DMXL1: variants seen among roughly 807,000 people sequenced by gnomAD.
DMXL1 encodes Dmx like 1.
Under a neutral mutation model 319.2 loss-of-function variants are expected in DMXL1, and 99 were observed. The observed-to-expected ratio is 0.31, with a 90% CI of 0.26 to 0.37. The LOEUF is 0.37. Ranked by LOEUF, DMXL1 falls within the 10% of genes least tolerant of loss-of-function variation. The pLI is 1.00. For missense variants in DMXL1, 3,745 were observed against 3,595.6 expected (o/e 1.04, Z -1.06); for synonymous variants, 1,385 against 1,235.2 (o/e 1.12, Z -2.54).
chr5:119,186,286 G>A (rs2150354443), intron 28 of DMXL1, among the ~76,000 whole-genome samples: 1 of 152,200 alleles, frequency 6.6e-6, no homozygotes, highest in African/African-American at 2.4e-5. Flanking sequence ...TTGTTTTGTT[G>A]TTGAGACAGG....
intron 1 of DMXL1, among the ~76,000 whole-genome samples, chr5:119,083,919 G>A (rs796875751): frequency 3.1e-4 from 47 of 152,230 alleles, no homozygotes; most frequent in African/African-American, 9.6e-4. Context: ...CAGTACCAGG[G>A]TTCTCCTTTC....
chr5:119,178,668 A>G, intron 28 of DMXL1: 1 of 984,962 alleles, frequency 1.0e-6, no homozygotes, highest in Non-Finnish European at 1.2e-6. Context: ...ATCAGTTCTC[A>G]TAGCCCTCCC....
At chr5:119,147,663 T>C in intron 17 of DMXL1, 193 bp downstream of exon 17, 5 of 465,358 alleles carry the variant, frequency 1.1e-5, no homozygotes, top group Non-Finnish European at 1.9e-5. Context: ...ATCAGCCAGT[T>C]CTAGTCTTAA....
chr5:119,084,164 A>G lies in DMXL1; in HGVS notation c.87+12508A>G, dbSNP rs925053758. Among the ~76,000 whole-genome samples the G allele has an allele frequency of 2.6e-5, 4 of 151,138 alleles. 1 individual carries two copies. In the South Asian group the frequency reaches 8.4e-4, roughly 32 times the overall value. The stretch of plus-strand genomic sequence containing the variant: ...AAGACGGAGTCTTGTGCTGTTGCCC[A>G]GGCTGGAGTGTGGTGGCTCATTCTT... On this transcript the variant is annotated intron_variant, in intron 1 of 43. Transcript: ENST00000539542.
At chr5:119,123,830 T>A (rs1469252774) in intron 9 of DMXL1, among the ~76,000 whole-genome samples, 3 of 145,912 alleles carry the variant, frequency 2.1e-5, no homozygotes, top group African/African-American at 7.7e-5. Context: ...TAGATTTGTT[T>A]TGGAGAAAAT....
intron 32 of DMXL1, among the ~76,000 whole-genome samples, chr5:119,202,887 A>ATATATATATATATATATATT (rs1781032388): frequency 1.5e-4 from 17 of 111,594 alleles, no homozygotes; most frequent in African/African-American, 5.7e-4. Flanking sequence ...ATATATTTTT[A>ATATATATATATATATATATT]TATATATATA....
chr5:119,194,891 T>A (rs1231889369), intron 30 of DMXL1, among the ~76,000 whole-genome samples: 1 of 151,940 alleles, frequency 6.6e-6, no homozygotes, highest in Non-Finnish European at 1.5e-5. Context: ...CCGATCTATA[T>A]TTCTAAAAAA....
intron 1 of DMXL1, among the ~76,000 whole-genome samples, chr5:119,096,870 C>T (rs1580676151): frequency 6.6e-6 from 1 of 152,288 alleles, no homozygotes; most frequent in South Asian, 2.1e-4. Context: ...GCATTCTAGG[C>T]CCTTGTGTTA....
Position 119,114,678 on chromosome 5 carries a change from G to T in DMXL1, c.564+137G>T, listed in dbSNP as rs1020122412. ...CCATTAAAAATTGTTTTTTTTGTTTGTTTGTTTTGTGATGGAGACTCACTC... is the reference window on the plus strand; with the variant it reads ...CCATTAAAAATTGTTTTTTTTGTTTTTTTGTTTTGTGATGGAGACTCACTC... On this transcript the variant is annotated intron_variant, in intron 6 of 43. Coordinates refer to ENST00000539542, the MANE Select transcript of DMXL1 (RefSeq NM_001290321.3). 41 of 684,870 alleles carry T rather than the reference G, an allele frequency of 6.0e-5. No homozygotes were observed. The African/African-American group carries it at 7.1e-4, about 12-fold the overall frequency. 42.4% of individuals were successfully genotyped at this position (684,870 alleles called of 1,614,324 possible). A position where few individuals can be genotyped will look rare whatever the true frequency, so the allele number is the denominator to read the frequency against.
At chr5:119,238,049 G>A (rs1788076209) in intron 40 of DMXL1, among the ~76,000 whole-genome samples, 1 of 152,058 alleles carries the variant, frequency 6.6e-6, no homozygotes, top group Admixed American at 6.6e-5. Context: ...AAGCAAGCAT[G>A]GGAGGATTGA....
chr5:119,202,887 A>T lies in DMXL1; in HGVS notation c.7746-432A>T, dbSNP rs866483990. The stretch of plus-strand genomic sequence containing the variant: ...TACATATATATATATATATATTTTT[A>T]TATATATATATATATATATTTATAT... On this transcript the variant is annotated intron_variant, in intron 32 of 43. Coordinates refer to ENST00000539542, the MANE Select transcript of DMXL1 (RefSeq NM_001290321.3). Among the ~76,000 whole-genome samples the T allele has an allele frequency of 1.3e-3, 148 of 111,602 alleles. 1 individual carries two copies. The highest frequency in any genetic ancestry group is 0.012 in the South Asian group (45 of 3,784). 73.2% of individuals were successfully genotyped at this position (111,602 alleles called of 152,430 possible). A position where few individuals can be genotyped will look rare whatever the true frequency, so the allele number is the denominator to read the frequency against.
At chr5:119,239,113 A>G in intron 41 of DMXL1, 33 bp downstream of exon 41, 1 of 1,608,004 alleles carries the variant, frequency 6.2e-7, no homozygotes, top group South Asian at 1.1e-5. Context: ...GAAGTATGAG[A>G]AAGTATAGCT....
intron 13 of DMXL1, among the ~76,000 whole-genome samples, chr5:119,136,607 C>T (rs940288896): frequency 2.0e-5 from 3 of 152,240 alleles, no homozygotes; most frequent in African/African-American, 4.8e-5. Context: ...AGGCCCAGGG[C>T]CCAGCTGCTC....
chr5:119,197,975 G>A lies in DMXL1; in HGVS notation c.7745+19G>A, dbSNP rs1440513464. 6.2e-7 allele frequency: 1 copy of A among 1,611,810 alleles called. No individual in the cohort carries two copies. The highest frequency in any genetic ancestry group is 1.3e-5 in the African/African-American group (1 of 74,794). On this transcript the variant is annotated intron_variant, in intron 32 of 43. Coordinates refer to ENST00000539542, the MANE Select transcript of DMXL1 (RefSeq NM_001290321.3). ...CTTTCAAGTAGGTTTTCTTATGAAT[G>A]CTATTTGGGTTTTTTTGTTTGTTTG...
intron 2 of DMXL1, among the ~76,000 whole-genome samples, chr5:119,099,182 T>TTTTG (rs1048741187): frequency 7.1e-5 from 7 of 98,530 alleles, no homozygotes; most frequent in African/African-American, 3.5e-4. Flanking sequence ...TGGGTTTTTT[T>TTTTG]TTTGTTTTTT....
Position 119,216,763 on chromosome 5 carries a change from T to TATACA in DMXL1, c.7927-134_7927-130dup, listed in dbSNP as rs1459484290. 1.1e-5 allele frequency: 6 copies of TATACA among 565,576 alleles called. No individual in the cohort carries two copies. The East Asian group carries it at 2.1e-4, about 19-fold the overall frequency. 35.0% of individuals were successfully genotyped at this position (565,576 alleles called of 1,614,324 possible). A position where few individuals can be genotyped will look rare whatever the true frequency, so the allele number is the denominator to read the frequency against. ...AATTTTGTTTTAGGGATAATTAGCA[T>TATACA]ATACAATAATACCTTTAGAATTGAA... On this transcript the variant is annotated intron_variant, in intron 34 of 43. Transcript: ENST00000539542.
At chr5:119,244,964 G>T (rs922819994) in intron 43 of DMXL1, among the ~76,000 whole-genome samples, 3 of 152,064 alleles carry the variant, frequency 2.0e-5, no homozygotes, top group African/African-American at 7.2e-5. Context: ...TTATTATCTA[G>T]TCCCTCAGTG....
At chr5:119,084,516 T>G (rs190457812) in intron 1 of DMXL1, among the ~76,000 whole-genome samples, 1 of 152,268 alleles carries the variant, frequency 6.6e-6, no homozygotes, top group East Asian at 1.9e-4. Flanking sequence ...TTCTATTTCT[T>G]TGAAGAATGT....
chr5:119,132,061 T>A (rs1765024876), intron 10 of DMXL1, among the ~76,000 whole-genome samples: 1 of 152,196 alleles, frequency 6.6e-6, no homozygotes, highest in Non-Finnish European at 1.5e-5. Context: ...CTCAAGGGGA[T>A]CAAAGTACCA....
Sources: allele counts gnomAD v4.1 joint callset (sites outside exome capture counted in the v4.1 genomes callset), GRCh38; gene constraint gnomAD v4.1.1; transcripts MANE v1.5; gene names NCBI Gene and HGNC (gene_info 2026-07-23, HGNC 2026-07-21).